The following FGD6 variants were observed in gnomAD, a reference collection of about 807,000 sequenced individuals.
The protein encoded by FGD6 is FYVE, RhoGEF and PH domain-containing protein 6.
Under a neutral mutation model 149.4 loss-of-function variants are expected in FGD6, and 90 were observed. The observed-to-expected ratio is 0.60, with a 90% CI of 0.51 to 0.72. FGD6 has a LOEUF of 0.72. Among genes scored for constraint, FGD6 ranks in the 30% least tolerant of loss-of-function variants. The probability of loss-of-function intolerance (pLI) is 0.00; values close to 1 mark genes in which losing one functional copy is unlikely to be tolerated. For synonymous variants in FGD6, 527 were observed against 584.0 expected, an observed-to-expected ratio of 0.90 and a Z score of 1.41; for missense variants, 1,437 against 1,684.8, an observed-to-expected ratio of 0.85 and a Z score of 2.57.
Position 95,152,909 on chromosome 12 carries a change from GTAAAC to G in FGD6, c.2654+12_2654+16del. The G allele has an allele frequency of 6.2e-7, 1 of 1,613,752 alleles. No homozygotes were observed. The highest frequency in any genetic ancestry group is 8.5e-7 in the Non-Finnish European group (1 of 1,179,742). ...TGGGGGGAAAACAGTCTTCTGAATT[GTAAAC>G]TAGATACCTACACTTTCTCTGAGCT... On this transcript the variant is annotated intron_variant, in intron 4 of 20. Transcript: ENST00000343958.
intron 14 of FGD6, chr12:95,100,521 C>T: frequency 2.8e-6 from 1 of 356,044 alleles, no homozygotes; most frequent in Non-Finnish European, 5.5e-6. Context: ...CTACTGCTGC[C>T]ATCCACAAGG....
Position 95,108,578 on chromosome 12 carries a change from C to T in FGD6, c.3134-17G>A. On this transcript the variant is annotated splice_polypyrimidine_tract_variant and intron_variant, in intron 9 of 20. Transcript: ENST00000343958. ...CAAGGGCATCTGAAATAGGCAGGAA[C>T]AAAACGTGCATTTAGTAATTACAAT... 1 of 1,613,734 alleles carries T rather than the reference C, an allele frequency of 6.2e-7. No homozygotes were observed. Among genetic ancestry groups the T allele is most frequent in the East Asian group, 2.2e-5 (1 of 44,884 alleles).
chr12:95,201,022 C>CT (rs370984599), intron 2 of FGD6, among the ~76,000 whole-genome samples: 150 of 143,884 alleles, frequency 1.0e-3, no homozygotes, highest in African/African-American at 1.1e-3. Context: ...GTCTAGTCTG[C>CT]TTTTTTTTTT....
At chr12:95,143,794 T>C (rs947560371) in intron 5 of FGD6, among the ~76,000 whole-genome samples, 7 of 152,220 alleles carry the variant, frequency 4.6e-5, no homozygotes, top group Non-Finnish European at 7.3e-5. Flanking sequence ...CAAAGCAGAA[T>C]AGTTAAACAT....
At chr12:95,145,222 C>T (rs1418172613) in intron 5 of FGD6, among the ~76,000 whole-genome samples, 2 of 152,084 alleles carry the variant, frequency 1.3e-5, no homozygotes, top group Non-Finnish European at 2.9e-5. Flanking sequence ...CTCCTGGCCT[C>T]AAGTGATCTT....
At chr12:95,181,921 G>T (rs1265900258) in intron 2 of FGD6, among the ~76,000 whole-genome samples, 2 of 147,334 alleles carry the variant, frequency 1.4e-5, no homozygotes, top group South Asian at 2.2e-4. Flanking sequence ...TCCAGCCTGA[G>T]AGACACAGCG....
chr12:95,188,324 A>G (rs142489740), intron 2 of FGD6, among the ~76,000 whole-genome samples: 1 of 152,330 alleles, frequency 6.6e-6, no homozygotes, highest in East Asian at 1.9e-4. Flanking sequence ...AAGAAACCAG[A>G]AAACAGTAAG....
intron 2 of FGD6, among the ~76,000 whole-genome samples, chr12:95,184,808 C>T (rs1009800469): frequency 6.6e-6 from 1 of 152,142 alleles, no homozygotes; most frequent in African/African-American, 2.4e-5. Flanking sequence ...GTCTCAAACT[C>T]CTGACCTCAA....
intron 8 of FGD6, among the ~76,000 whole-genome samples, chr12:95,128,048 T>G (rs972953880): frequency 1.3e-5 from 2 of 152,206 alleles, no homozygotes; most frequent in Non-Finnish European, 2.9e-5. Context: ...GGATATGTGA[T>G]AGCCATCTCT....
At chr12:95,100,192 T>C (rs1878378483) in intron 14 of FGD6, among the ~76,000 whole-genome samples, 2 of 152,162 alleles carry the variant, frequency 1.3e-5, no homozygotes, top group South Asian at 4.1e-4. Flanking sequence ...GATTATTATG[T>C]ATCTCCCACT....
chr12:95,180,331 A>G (rs1480425594), intron 2 of FGD6, among the ~76,000 whole-genome samples: 1 of 151,802 alleles, frequency 6.6e-6, no homozygotes, highest in African/African-American at 2.4e-5. Flanking sequence ...TAGTTGAAGT[A>G]CAGTTGCCTC....
At position 95,187,662 on chromosome 12, in the gene FGD6, AC is replaced by A. The variant is rs768011396; in HGVS notation, c.2442-14919del. ...GCGAGGCTGCGTCCCCAAAAAAAAAACAAAAAAAAAAAAGTGACTTCAGAGA... is the reference window on the plus strand; with the variant it reads ...GCGAGGCTGCGTCCCCAAAAAAAAAAAAAAAAAAAAAAGTGACTTCAGAGA... On this transcript the variant is annotated intron_variant, in intron 2 of 20. Transcript: ENST00000343958. Among the ~76,000 whole-genome samples, 427 of 148,606 alleles carry A rather than the reference AC, an allele frequency of 2.9e-3. 1 individual carries two copies. The highest frequency in any genetic ancestry group is 7.1e-3 in the Middle Eastern group (2 of 282).
At chr12:95,099,821 T>C (rs748145749) in intron 14 of FGD6, among the ~76,000 whole-genome samples, 2 of 152,182 alleles carry the variant, frequency 1.3e-5, no homozygotes, top group African/African-American at 2.4e-5. Context: ...GACCTTACTA[T>C]GGGTGGCCCC....
chr12:95,110,918 TGCC>T (rs1438852461), intron 9 of FGD6, among the ~76,000 whole-genome samples: 64 of 152,284 alleles, frequency 4.2e-4, no homozygotes, highest in Non-Finnish European at 3.5e-4. Flanking sequence ...TTAACTCTTC[TGCC>T]TACCTTTCAA....
intron 2 of FGD6, among the ~76,000 whole-genome samples, chr12:95,204,686 A>G (rs2056684520): frequency 6.6e-6 from 1 of 150,796 alleles, no homozygotes; most frequent in Admixed American, 6.6e-5. Flanking sequence ...AGCTTGCATC[A>G]CAGGGACACA....
chr12:95,149,682 C>A (rs982100711), intron 5 of FGD6, among the ~76,000 whole-genome samples: 2 of 143,934 alleles, frequency 1.4e-5, no homozygotes, highest in African/African-American at 5.1e-5. Context: ...TATTTTGTCA[C>A]CCTAACAAAT....
At chr12:95,127,373 G>A (rs1244168517) in intron 8 of FGD6, among the ~76,000 whole-genome samples, 5 of 151,884 alleles carry the variant, frequency 3.3e-5, no homozygotes, top group Admixed American at 1.3e-4. Context: ...GTGAAACCCC[G>A]TCTCTACTAA....
At chr12:95,106,012 A>AAAAAC (rs1227958885) in intron 13 of FGD6, among the ~76,000 whole-genome samples, 2 of 152,192 alleles carry the variant, frequency 1.3e-5, no homozygotes, top group African/African-American at 4.8e-5. Flanking sequence ...TCTGTCACAA[A>AAAAAC]AAAACAAAAC....
intron 18 of FGD6, among the ~76,000 whole-genome samples, chr12:95,087,189 TAAC>T (rs1565892083): frequency 6.6e-6 from 1 of 152,100 alleles, no homozygotes; most frequent in African/African-American, 2.4e-5. Flanking sequence ...AGTAGATAAA[TAAC>T]AAAATGTTTA....
Sources: allele counts gnomAD v4.1 joint callset (sites outside exome capture counted in the v4.1 genomes callset), GRCh38; gene constraint gnomAD v4.1.1; transcripts MANE v1.5; gene names NCBI Gene and HGNC (gene_info 2026-07-23, HGNC 2026-07-21).